EYS: variants seen among roughly 807,000 people sequenced by gnomAD.
The protein encoded by EYS is EGF-like photoreceptor maintenance factor.
EYS carries 250 observed loss-of-function variants against 282.1 expected under a neutral mutation model. The ratio of observed to expected loss-of-function variants is 0.89; its 90% CI spans 0.80 to 0.98. EYS has a LOEUF of 0.98. Among genes scored for constraint, EYS ranks in the 50% least tolerant of loss-of-function variants. The probability of loss-of-function intolerance (pLI) is 0.00; values close to 1 mark genes in which losing one functional copy is unlikely to be tolerated. For missense variants in EYS, 4,016 were observed against 3,709.0 expected (o/e 1.08, Z -2.15); for synonymous variants, 1,355 against 1,282.9 (o/e 1.06, Z -1.20).
intron 35 of EYS, among the ~76,000 whole-genome samples, chr6:63,940,624 A>G (rs1311066500): frequency 6.6e-6 from 1 of 152,072 alleles, no homozygotes; most frequent in African/African-American, 2.4e-5. Context: ...GAGTTCGCAG[A>G]TGCCATTAAG....
chr6:63,936,323 A>G (rs1019596113), intron 35 of EYS, among the ~76,000 whole-genome samples: 43 of 152,194 alleles, frequency 2.8e-4, no homozygotes, highest in Non-Finnish European at 2.5e-4. Context: ...TCAGAATTCC[A>G]TATTCTATTC....
At chr6:64,097,071 T>C (rs1034091816) in intron 31 of EYS, among the ~76,000 whole-genome samples, 2 of 150,010 alleles carry the variant, frequency 1.3e-5, no homozygotes, top group African/African-American at 2.5e-5. Context: ...ACAGCAGATA[T>C]TGGTGAACAG....
intron 5 of EYS, among the ~76,000 whole-genome samples, chr6:65,443,173 T>C (rs557207246): frequency 1.3e-5 from 2 of 151,868 alleles, no homozygotes; most frequent in East Asian, 1.9e-4. Flanking sequence ...TGAGCACATA[T>C]GTGCACATCA....
chr6:64,741,065 G>A (rs910842245), intron 22 of EYS, among the ~76,000 whole-genome samples: 1 of 152,082 alleles, frequency 6.6e-6, no homozygotes, highest in African/African-American at 2.4e-5. Context: ...GAAGGTTTTT[G>A]ATTGACTTTG....
chr6:65,203,890 A>T (rs1182224683), intron 12 of EYS, among the ~76,000 whole-genome samples: 1 of 150,706 alleles, frequency 6.6e-6, no homozygotes, highest in Non-Finnish European at 1.5e-5. Context: ...AATAACTGGA[A>T]ATAAAAAAAA....
chr6:65,243,320 G>A (rs1283884254), intron 12 of EYS, among the ~76,000 whole-genome samples: 1 of 152,144 alleles, frequency 6.6e-6, no homozygotes, highest in Non-Finnish European at 1.5e-5. Flanking sequence ...ACAAGATATG[G>A]CTACACTATA....
intron 5 of EYS, among the ~76,000 whole-genome samples, chr6:65,488,284 C>T (rs1295441930): frequency 6.6e-6 from 1 of 152,114 alleles, no homozygotes; most frequent in Admixed American, 6.6e-5. Context: ...GATTTTAGAT[C>T]TCTCCTCCTT....
chr6:64,661,976 A>G (rs190033070), intron 22 of EYS, among the ~76,000 whole-genome samples: 224 of 151,952 alleles, frequency 1.5e-3, no homozygotes, highest in African/African-American at 5.1e-3. Context: ...AAGACTTGGA[A>G]CCAACCCAAA....
At chr6:65,512,327 C>T (rs955814265) in intron 2 of EYS, among the ~76,000 whole-genome samples, 5 of 151,806 alleles carry the variant, frequency 3.3e-5, no homozygotes, top group South Asian at 4.2e-4. Flanking sequence ...CCCATTTCTA[C>T]TAAAAATACA....
intron 29 of EYS, among the ~76,000 whole-genome samples, chr6:64,385,876 G>C (rs1287994019): frequency 1.3e-5 from 2 of 152,048 alleles, no homozygotes; most frequent in Non-Finnish European, 2.9e-5. Context: ...TCCATCTTTG[G>C]TTCTTGTGAC....
At chr6:64,220,771 T>C (rs905650239) in intron 31 of EYS, among the ~76,000 whole-genome samples, 2 of 152,162 alleles carry the variant, frequency 1.3e-5, no homozygotes, top group African/African-American at 2.4e-5. Context: ...ATAATAAGTT[T>C]GAATCTAACG....
chr6:64,379,050 T>C (rs1772658112), intron 29 of EYS, among the ~76,000 whole-genome samples: 1 of 152,154 alleles, frequency 6.6e-6, no homozygotes, highest in Non-Finnish European at 1.5e-5. Context: ...AAGTACTTTA[T>C]TTTTATCTTT....
At chr6:64,988,110 G>T (rs1355578014) in intron 14 of EYS, among the ~76,000 whole-genome samples, 1 of 151,024 alleles carries the variant, frequency 6.6e-6, no homozygotes, top group African/African-American at 2.4e-5. Context: ...CAGGAAGGGA[G>T]ATTTTCTTGC....
chr6:65,560,938 A>C, intron 2 of EYS, among the ~76,000 whole-genome samples: 1 of 151,492 alleles, frequency 6.6e-6, no homozygotes, highest in Non-Finnish European at 1.5e-5. Context: ...AAGCCTGAAG[A>C]TTTTTTTTTA....
intron 2 of EYS, among the ~76,000 whole-genome samples, chr6:65,561,321 A>G (rs527581184): frequency 2.0e-5 from 3 of 152,286 alleles, no homozygotes; most frequent in African/African-American, 7.2e-5. Flanking sequence ...CCATTAACCA[A>G]ACCTAAACCT....
chr6:64,549,367 T>A (rs375244132), intron 26 of EYS, among the ~76,000 whole-genome samples: 14 of 152,220 alleles, frequency 9.2e-5, no homozygotes, highest in African/African-American at 3.4e-4. Context: ...AATTTGTCCA[T>A]GTCATGATTC....
chr6:64,946,828 G>A (rs960168521), intron 14 of EYS, among the ~76,000 whole-genome samples: 1 of 151,712 alleles, frequency 6.6e-6, no homozygotes, highest in East Asian at 1.9e-4. Context: ...ATTTACTTTC[G>A]GTTGAAATGG....
chr6:64,306,591 CT>C (rs1582570362), intron 30 of EYS, among the ~76,000 whole-genome samples: 1 of 152,008 alleles, frequency 6.6e-6, no homozygotes, highest in Admixed American at 6.5e-5. Context: ...ACAAGGACAA[CT>C]TTTTGAGAGT....
intron 12 of EYS, among the ~76,000 whole-genome samples, chr6:65,133,004 C>T (rs1184138109): frequency 6.6e-6 from 1 of 151,806 alleles, no homozygotes; most frequent in African/African-American, 2.4e-5. Context: ...TATAGCTAAT[C>T]AGGGAAGTGA....
Sources: gnomAD v4.1 joint callset for allele counts (sites outside exome capture counted in the v4.1 genomes callset) on GRCh38, gnomAD v4.1.1 for gene constraint, MANE v1.5 for transcripts, NCBI Gene and HGNC (gene_info 2026-07-23, HGNC 2026-07-21) for gene names.